CSTF3: variants seen among roughly 807,000 people sequenced by gnomAD.
CSTF3 encodes the protein cleavage stimulation factor subunit 3.
CSTF3 carries 29 observed loss-of-function variants against 105.8 expected under a neutral mutation model. The ratio of observed to expected loss-of-function variants is 0.27; its 90% CI spans 0.20 to 0.37. The LOEUF (loss-of-function observed/expected upper bound fraction) is 0.37, where lower values mean the gene tolerates loss of function less well. Among genes scored for constraint, CSTF3 ranks in the 10% least tolerant of loss-of-function variants. The probability of loss-of-function intolerance (pLI) is 1.00; values close to 1 mark genes in which losing one functional copy is unlikely to be tolerated. For synonymous variants in CSTF3, 252 were observed against 281.9 expected (o/e 0.89, Z 1.06); for missense variants, 357 against 879.3 (o/e 0.41, Z 7.51).
intron 3 of CSTF3, among the ~76,000 whole-genome samples, chr11:33,129,339 G>T (rs532726147): frequency 1.3e-5 from 2 of 151,402 alleles, no homozygotes; most frequent in African/African-American, 2.4e-5. Context: ...TGATCTGCCC[G>T]CCTCAGCCTC....
At chr11:33,087,969 C>G (rs1565000816) in intron 17 of CSTF3, among the ~76,000 whole-genome samples, 1 of 152,190 alleles carries the variant, frequency 6.6e-6, no homozygotes, top group Non-Finnish European at 1.5e-5. Context: ...TCCAGACAAC[C>G]CAGTGTTACT....
intron 1 of CSTF3, among the ~76,000 whole-genome samples, chr11:33,158,693 T>C (rs1849897608): frequency 6.6e-6 from 1 of 152,190 alleles, no homozygotes; most frequent in African/African-American, 2.4e-5. Context: ...AATGTAATGA[T>C]ATAATGTTAA....
intron 3 of CSTF3, among the ~76,000 whole-genome samples, chr11:33,136,388 A>ACT (rs1318285097): frequency 1.3e-5 from 2 of 152,068 alleles, no homozygotes; most frequent in African/African-American, 4.8e-5. Flanking sequence ...ATAAGTTACA[A>ACT]CTAATAAATG....
intron 10 of CSTF3, among the ~76,000 whole-genome samples, chr11:33,101,775 A>G (rs1855283586): frequency 6.6e-6 from 1 of 152,172 alleles, no homozygotes; most frequent in African/African-American, 2.4e-5. Context: ...TGGTGGTTGA[A>G]GGCCCAGATG....
At chr11:33,122,880 A>C (rs972051011) in intron 3 of CSTF3, among the ~76,000 whole-genome samples, 5 of 143,446 alleles carry the variant, frequency 3.5e-5, no homozygotes, top group Non-Finnish European at 4.5e-5. Flanking sequence ...CACACACTGC[A>C]CTCCAGCCTT....
At chr11:33,129,938 C>T (rs1855581644) in intron 3 of CSTF3, among the ~76,000 whole-genome samples, 1 of 152,176 alleles carries the variant, frequency 6.6e-6, no homozygotes, top group Non-Finnish European at 1.5e-5. Context: ...CATGAAGATA[C>T]TTGAGTTTTC....
chr11:33,090,754 C>CT (rs1307199973), intron 16 of CSTF3, 27 bp from the exon 17 acceptor site: 2 of 1,473,292 alleles, frequency 1.4e-6, no homozygotes, highest in Non-Finnish European at 1.8e-6. Context: ...ACAATCAATA[C>CT]TTTAATTATT....
At chr11:33,152,572 AGAAATAG>A (rs2133807601) in intron 1 of CSTF3, among the ~76,000 whole-genome samples, 1 of 152,346 alleles carries the variant, frequency 6.6e-6, no homozygotes, top group East Asian at 1.9e-4. Flanking sequence ...ACTAACTCAG[AGAAATAG>A]AACTTACAAT....
chr11:33,108,114 T>C (rs1192560404), intron 4 of CSTF3, 114 bp from the exon 5 acceptor site: 4 of 656,858 alleles, frequency 6.1e-6, no homozygotes, highest in Middle Eastern at 4.3e-4. Context: ...TTATCTCTTA[T>C]AAATAAAAAG....
intron 1 of CSTF3, among the ~76,000 whole-genome samples, chr11:33,143,252 A>AT (rs3060631): frequency 2.6e-5 from 4 of 152,032 alleles, no homozygotes; most frequent in South Asian, 2.1e-4. Context: ...TTAGAGGCTG[A>AT]TTTTTTTTCC....
intron 3 of CSTF3, among the ~76,000 whole-genome samples, chr11:33,124,046 A>G (rs1315835029): frequency 3.3e-5 from 5 of 152,140 alleles, no homozygotes; most frequent in African/African-American, 1.2e-4. Flanking sequence ...AAAATGTTAA[A>G]ATTTGCAAAA....
chr11:33,159,595 CAAAAAAAAAAA>C (rs71034656), intron 1 of CSTF3, among the ~76,000 whole-genome samples: 32 of 37,952 alleles, frequency 8.4e-4, no homozygotes, highest in South Asian at 3.4e-3. Flanking sequence ...GGCTCCATCT[CAAAAAAAAAAA>C]AAAAAAAAAA....
chr11:33,161,249 C>A (rs1849938327), intron 1 of CSTF3, 50 bp downstream of exon 1: 3 of 1,608,016 alleles, frequency 1.9e-6, no homozygotes, highest in African/African-American at 1.3e-5. Context: ...GTCGGAGGAA[C>A]AGACGTGGAG....
intron 3 of CSTF3, among the ~76,000 whole-genome samples, chr11:33,125,283 A>G (rs1455617464): frequency 2.6e-5 from 4 of 152,002 alleles, no homozygotes. Flanking sequence ...TCTAAATTCT[A>G]GTTTCTGAAG....
At chr11:33,143,536 G>A (rs1051187595) in intron 1 of CSTF3, among the ~76,000 whole-genome samples, 7 of 151,908 alleles carry the variant, frequency 4.6e-5, no homozygotes, top group African/African-American at 7.3e-5. Context: ...GATTACTTGC[G>A]GCCAGGAGTT....
In CSTF3 at chr11:33,106,120, T is replaced by C. The variant is rs1855323126; in HGVS notation, c.357-56A>G. 5 of 1,360,220 alleles carry C rather than the reference T, an allele frequency of 3.7e-6. No homozygotes were observed. The South Asian group carries it at 5.9e-5, about 16-fold the overall frequency. The allele number at this position is 1,360,220 out of a possible 1,614,324, so 84.3% of individuals were successfully genotyped here. A position where few individuals can be genotyped will look rare whatever the true frequency, so the allele number is the denominator to read the frequency against. On this transcript the variant is annotated intron_variant, in intron 5 of 20. Transcript: ENST00000323959. ...AATTTTTTTGTTATTAAAATTTATC[T>C]ACAATTAGGCCAGACATGGTGGCTC...
chr11:33,156,213 A>T (rs1017527126), intron 1 of CSTF3, among the ~76,000 whole-genome samples: 1 of 152,250 alleles, frequency 6.6e-6, no homozygotes, highest in Admixed American at 6.5e-5. Context: ...TAAAAATAGG[A>T]GGCAGAAAAC....
intron 1 of CSTF3, among the ~76,000 whole-genome samples, 187 bp downstream of exon 1, chr11:33,161,112 G>A (rs1277197050): frequency 1.3e-5 from 2 of 151,826 alleles, no homozygotes; most frequent in African/African-American, 4.8e-5. Flanking sequence ...TCATGCCTAA[G>A]AGAGAGAAGT....
Position 33,138,172 on chromosome 11 carries a change from C to T in CSTF3, c.225+3495G>A, listed in dbSNP as rs142250164. ...AGCTTTCACAGACAGCAAGATACAT[C>T]GTTGCTATTACCAGCAGCATTACCT... On this transcript the variant is annotated intron_variant, in intron 3 of 20. Coordinates refer to ENST00000323959, the MANE Select transcript of CSTF3 (RefSeq NM_001326.3). Among the ~76,000 whole-genome samples, 1,441 of 151,832 alleles carry T rather than the reference C, an allele frequency of 9.5e-3. 6 individuals carry two copies. Among genetic ancestry groups the T allele is most frequent in the Non-Finnish European group, 0.013 (911 of 67,702 alleles).
Sources: gnomAD v4.1 joint callset for allele counts (sites outside exome capture counted in the v4.1 genomes callset) on GRCh38, gnomAD v4.1.1 for gene constraint, MANE v1.5 for transcripts, NCBI Gene and HGNC (gene_info 2026-07-23, HGNC 2026-07-21) for gene names.